The following PMM2 variants were observed in gnomAD, a reference collection of about 807,000 sequenced individuals.
PMM2 encodes the protein phosphomannomutase 2, also known as mannose-6-phosphate isomerase.
Under a neutral mutation model 33.2 loss-of-function variants are expected in PMM2, and 35 were observed. That is an observed-to-expected ratio of 1.06 (90% CI 0.81 to 1.40). PMM2 has a LOEUF of 1.40. Among genes scored for constraint, PMM2 ranks in the 40% most tolerant of loss-of-function variants. The pLI is 0.00. For synonymous variants in PMM2, 153 were observed against 114.7 expected, an observed-to-expected ratio of 1.33 and a Z score of -2.13; for missense variants, 386 against 306.0, an observed-to-expected ratio of 1.26 and a Z score of -1.95.
At chr16:8,823,858 G>C (rs1210879485) in intron 7 of PMM2, among the ~76,000 whole-genome samples, 1 of 151,720 alleles carries the variant, frequency 6.6e-6, no homozygotes, top group East Asian at 1.9e-4. Context: ...GCTTTTCCAA[G>C]GGACTTCTAT....
chr16:8,833,012 T>A, intron 7 of PMM2: 1 of 603,450 alleles, frequency 1.7e-6, no homozygotes, highest in Non-Finnish European at 2.1e-6. Flanking sequence ...TATCCCCAGC[T>A]GCTAAAGCAA....
At chr16:8,837,796 C>T (rs928836402) in intron 7 of PMM2, among the ~76,000 whole-genome samples, 2 of 151,978 alleles carry the variant, frequency 1.3e-5, no homozygotes, top group South Asian at 2.1e-4. Flanking sequence ...CATGGTCTGA[C>T]ACCTTTGAAA....
At chr16:8,808,007 CCA>C (rs2060656563) in intron 4 of PMM2, 1 of 152,092 alleles carries the variant, frequency 6.6e-6, no homozygotes, top group African/African-American at 2.4e-5. Flanking sequence ...ATTTTTACCC[CCA>C]GTTTTCAACA....
Position 8,847,979 on chromosome 16 carries a change from C to G in PMM2, c.*154C>G. 1 of 635,414 alleles carries G rather than the reference C, an allele frequency of 1.6e-6. No individual in the cohort carries two copies. Among genetic ancestry groups the G allele is most frequent in the South Asian group, 1.8e-5 (1 of 56,734 alleles). The allele number at this position is 635,414 out of a possible 1,614,324, so 39.4% of individuals were successfully genotyped here. On this transcript the variant is annotated 3_prime_UTR_variant, in exon 8 of 8. Coordinates refer to ENST00000268261, the MANE Select transcript of PMM2 (RefSeq NM_000303.3). ...CATGTGCAGTCTGGACTTCCACCTC[C>G]AGTGCCAGAAACTTCCAGAAGGAAG...
At chr16:8,836,708 G>A (rs1025454249) in intron 7 of PMM2, among the ~76,000 whole-genome samples, 1 of 151,992 alleles carries the variant, frequency 6.6e-6, no homozygotes, top group African/African-American at 2.4e-5. Context: ...GGAGCAGATT[G>A]GGTAATAAAA....
At chr16:8,833,583 C>T (rs903150197) in intron 7 of PMM2, among the ~76,000 whole-genome samples, 3 of 151,514 alleles carry the variant, frequency 2.0e-5, no homozygotes, top group African/African-American at 7.3e-5. Flanking sequence ...AGGGCTGCTT[C>T]AAGCGGGATT....
At chr16:8,820,385 ACT>A (rs1223974922) in intron 7 of PMM2, among the ~76,000 whole-genome samples, 1 of 135,774 alleles carries the variant, frequency 7.4e-6, no homozygotes, top group East Asian at 2.0e-4. Context: ...ACAAGGTCTC[ACT>A]CTGTCACCCA....
intron 7 of PMM2, among the ~76,000 whole-genome samples, chr16:8,841,052 C>T (rs774784165): frequency 6.6e-6 from 1 of 152,036 alleles, no homozygotes; most frequent in Non-Finnish European, 1.5e-5. Context: ...AGAACAGGCT[C>T]TAATTCTGAG....
intron 4 of PMM2, chr16:8,810,856 C>G: frequency 1.7e-6 from 1 of 582,198 alleles, no homozygotes. Flanking sequence ...ATTCCTTTTT[C>G]ATACTAAATC....
In PMM2 at chr16:8,847,896, T is replaced by A; in HGVS notation, c.*71T>A. On this transcript the variant is annotated 3_prime_UTR_variant, in exon 8 of 8. Coordinates refer to ENST00000268261, the MANE Select transcript of PMM2 (RefSeq NM_000303.3). ...GGCATTCGGTGGCCAGAGCCGAGGG[T>A]CCTCCCACACGTGCTCACCCACCCG... 8.3e-7 allele frequency: 1 copy of A among 1,206,670 alleles called. No individual in the cohort carries two copies. Among genetic ancestry groups the A allele is most frequent in the Middle Eastern group, 2.3e-4 (1 of 4,264 alleles). 74.7% of individuals were successfully genotyped at this position (1,206,670 alleles called of 1,614,324 possible). A position where few individuals can be genotyped will look rare whatever the true frequency, so the allele number is the denominator to read the frequency against.
chr16:8,848,327 G>A lies in PMM2; in HGVS notation c.*502G>A, dbSNP rs899109849. On this transcript the variant is annotated 3_prime_UTR_variant, in exon 8 of 8. Coordinates refer to ENST00000268261, the MANE Select transcript of PMM2 (RefSeq NM_000303.3). ...GAAGTTTACAAACACCTCCTGGAAC[G>A]AAGCTCCCGCCTGCATGTCACCTTG... 6 of 189,384 alleles carry A rather than the reference G, an allele frequency of 3.2e-5. No homozygotes were observed. The highest frequency in any genetic ancestry group is 1.6e-4 in the Admixed American group (3 of 18,770). The allele number at this position is 189,384 out of a possible 1,614,324, so 11.7% of individuals were successfully genotyped here. A position where few individuals can be genotyped will look rare whatever the true frequency, so the allele number is the denominator to read the frequency against.
intron 1 of PMM2, among the ~76,000 whole-genome samples, chr16:8,798,992 T>C (rs1330315241): frequency 6.6e-6 from 1 of 152,216 alleles, no homozygotes; most frequent in Non-Finnish European, 1.5e-5. Context: ...CTTTTTCTGA[T>C]TCTGAAATTC....
intron 7 of PMM2, 50 bp from the exon 8 acceptor site, chr16:8,847,674 G>T: frequency 1.4e-6 from 2 of 1,387,004 alleles, no homozygotes; most frequent in Non-Finnish European, 2.1e-6. Flanking sequence ...ATCAGCAATG[G>T]CCCGGGACAG....
intron 7 of PMM2, among the ~76,000 whole-genome samples, chr16:8,841,786 T>C (rs2060892403): frequency 8.4e-6 from 1 of 119,638 alleles, no homozygotes; most frequent in African/African-American, 3.0e-5. Flanking sequence ...AGGTGTGGTA[T>C]CAGGAATAAT....
chr16:8,832,244 G>A (rs550706228), intron 7 of PMM2: 2 of 985,418 alleles, frequency 2.0e-6, no homozygotes, highest in South Asian at 4.7e-5. Flanking sequence ...AAGGCCTGAG[G>A]CAGGTTGTGT....
At chr16:8,847,084 A>G (rs1452270227) in intron 7 of PMM2, among the ~76,000 whole-genome samples, 1 of 152,074 alleles carries the variant, frequency 6.6e-6, no homozygotes, top group Non-Finnish European at 1.5e-5. Flanking sequence ...GGTTGGTCTC[A>G]AATTCCTGAC....
Position 8,801,841 on chromosome 16 carries a change from C to G in PMM2, c.109C>G (p.Gln37Glu), listed in dbSNP as rs764353860. 3 of 1,611,936 alleles carry G rather than the reference C, an allele frequency of 1.9e-6. No individual in the cohort carries two copies. The highest frequency in any genetic ancestry group is 2.5e-6 in the Non-Finnish European group (3 of 1,178,612). Residue 37 changes from glutamine to glutamate, a missense_variant, in exon 2 of 8, where the codon CAG becomes GAG. By Grantham distance (29) the Gln-to-Glu change is conservative (BLOSUM62 2). Coordinates refer to ENST00000268261, the MANE Select transcript of PMM2 (RefSeq NM_000303.3). ...EMDDFLQKLR[Q>E]KIKIGVVGGS... Reference sequence around the variant, plus strand: ...GGATGACTTCCTACAAAAATTGAGGCAGAAGATCAAAATCGGAGTGGTAGG... The same window carrying G: ...GGATGACTTCCTACAAAAATTGAGGGAGAAGATCAAAATCGGAGTGGTAGG...
intron 7 of PMM2, among the ~76,000 whole-genome samples, chr16:8,822,545 T>G (rs889775503): frequency 1.3e-5 from 2 of 152,246 alleles, no homozygotes; most frequent in Non-Finnish European, 2.9e-5. Flanking sequence ...AAGGACATCT[T>G]GGAAGTTAGA....
At chr16:8,841,293 GAATTATGTC>G (rs1727943927) in intron 7 of PMM2, among the ~76,000 whole-genome samples, 1 of 151,176 alleles carries the variant, frequency 6.6e-6, no homozygotes, top group Non-Finnish European at 1.5e-5. Context: ...CTAAACTGAG[GAATTATGTC>G]TGACAGAAGG....
Sources: gnomAD v4.1 joint callset for allele counts (sites outside exome capture counted in the v4.1 genomes callset) on GRCh38, gnomAD v4.1.1 for gene constraint, MANE v1.5 for transcripts, NCBI Gene and HGNC (gene_info 2026-07-23, HGNC 2026-07-21) for gene names.